The following SYT17 variants were observed in gnomAD, a reference collection of about 807,000 sequenced individuals.
The protein encoded by SYT17 is synaptotagmin-17.
Under a neutral mutation model 46.7 loss-of-function variants are expected in SYT17, and 22 were observed. The observed-to-expected ratio is 0.47, with a 90% CI of 0.34 to 0.67. SYT17 has a LOEUF of 0.67. Ranked by LOEUF, SYT17 falls within the 30% of genes least tolerant of loss-of-function variation. The pLI is 0.01. For missense variants in SYT17, 519 were observed against 612.8 expected (o/e 0.85, Z 1.62); for synonymous variants, 251 against 248.4 (o/e 1.01, Z -0.10).
chr16:19,193,710 G>A lies in SYT17; in HGVS notation c.951+9563G>A, dbSNP rs147207657. Among the ~76,000 whole-genome samples, 42 of 152,338 alleles carry A rather than the reference G, an allele frequency of 2.8e-4. No homozygotes were observed. The East Asian group carries it at 7.9e-3, about 29-fold the overall frequency. On this transcript the variant is annotated intron_variant, in intron 5 of 7. Transcript: ENST00000355377. ...GAAGGGAGGAAATGAGACCAATAAA[G>A]TGTCTCACCACTGTGGGCAACTAGA...
At chr16:19,216,787 G>A (rs1317891575) in intron 5 of SYT17, among the ~76,000 whole-genome samples, 2 of 152,106 alleles carry the variant, frequency 1.3e-5, no homozygotes, top group Non-Finnish European at 2.9e-5. Flanking sequence ...ATCATTGTTG[G>A]ACATTGGGGT....
At chr16:19,191,395 C>T (rs1238576155) in intron 5 of SYT17, among the ~76,000 whole-genome samples, 2 of 152,276 alleles carry the variant, frequency 1.3e-5, no homozygotes, top group Middle Eastern at 3.4e-3. Flanking sequence ...CAGAGAGTTG[C>T]CTTGCCCCTT....
At chr16:19,173,343 T>G in intron 2 of SYT17, 87 bp from the exon 3 acceptor site, 1 of 832,094 alleles carries the variant, frequency 1.2e-6, no homozygotes, top group African/African-American at 1.7e-5. Flanking sequence ...CTTGTAATTT[T>G]GGGTGTTGTT....
At chr16:19,251,051 T>C (rs1968024807) in intron 7 of SYT17, among the ~76,000 whole-genome samples, 1 of 152,222 alleles carries the variant, frequency 6.6e-6, no homozygotes, top group African/African-American at 2.4e-5. Flanking sequence ...ATTTTGAGGA[T>C]AATAGTGTTT....
chr16:19,260,697 G>C (rs12921715), intron 7 of SYT17, among the ~76,000 whole-genome samples: 5 of 152,020 alleles, frequency 3.3e-5, no homozygotes, highest in African/African-American at 1.2e-4. Flanking sequence ...AGGGGGCTTA[G>C]AATTGTATTT....
chr16:19,201,671 TAAA>T (rs559424751), intron 5 of SYT17, among the ~76,000 whole-genome samples: 318 of 126,088 alleles, frequency 2.5e-3, no homozygotes, highest in African/African-American at 3.1e-3. Flanking sequence ...TGCCCCTGCT[TAAA>T]AAAAAAAAAA....
intron 7 of SYT17, among the ~76,000 whole-genome samples, chr16:19,258,294 G>T (rs1968720465): frequency 6.6e-6 from 1 of 152,096 alleles, no homozygotes; most frequent in South Asian, 2.1e-4. Context: ...GGTGGCAATT[G>T]TGTCCCCAGG....
chr16:19,249,898 C>A (rs375983055), intron 7 of SYT17: 188 of 1,531,876 alleles, frequency 1.2e-4, no homozygotes, highest in Non-Finnish European at 1.5e-4. Flanking sequence ...CTTGCTCACT[C>A]CCTTGTCCCC....
intron 1 of SYT17, chr16:19,170,090 G>T (rs191460825): frequency 4.5e-4 from 69 of 152,226 alleles, no homozygotes; most frequent in African/African-American, 1.7e-3. Flanking sequence ...CTAGAACAAG[G>T]TGTTAAACTT....
intron 5 of SYT17, among the ~76,000 whole-genome samples, chr16:19,217,949 G>C (rs963341816): frequency 3.3e-5 from 5 of 152,092 alleles, no homozygotes; most frequent in African/African-American, 1.2e-4. Flanking sequence ...TTGATGTCTG[G>C]GATTGCTGCT....
intron 3 of SYT17, among the ~76,000 whole-genome samples, chr16:19,179,861 C>T (rs1327340236): frequency 6.6e-6 from 1 of 152,216 alleles, no homozygotes; most frequent in East Asian, 1.9e-4. Flanking sequence ...CATCAAACTT[C>T]TGTTCAGAAA....
intron 5 of SYT17, among the ~76,000 whole-genome samples, chr16:19,192,580 A>C (rs189279890): frequency 6.6e-6 from 1 of 152,160 alleles, no homozygotes; most frequent in African/African-American, 2.4e-5. Context: ...GAGAGAGAGA[A>C]CATTCATAAG....
chr16:19,181,007 T>A (rs1302447132), intron 4 of SYT17, among the ~76,000 whole-genome samples: 1 of 151,968 alleles, frequency 6.6e-6, no homozygotes, highest in Non-Finnish European at 1.5e-5. Flanking sequence ...TAGGGCAGGG[T>A]GGGGACTTCG....
intron 7 of SYT17, among the ~76,000 whole-genome samples, chr16:19,253,913 G>C (rs1006909347): frequency 6.6e-6 from 1 of 152,084 alleles, no homozygotes; most frequent in African/African-American, 2.4e-5. Flanking sequence ...ATTTTTAGTA[G>C]AGATGGGGTT....
chr16:19,172,726 G>T (rs758953767), intron 1 of SYT17, 34 bp from the exon 2 acceptor site: 1 of 1,610,174 alleles, frequency 6.2e-7, no homozygotes, highest in Admixed American at 1.7e-5. Context: ...GTTCCCTTAC[G>T]CCCTTGGCTT....
At chr16:19,248,972 A>C (rs1164048133) in intron 7 of SYT17, among the ~76,000 whole-genome samples, 3 of 152,034 alleles carry the variant, frequency 2.0e-5, no homozygotes, top group Non-Finnish European at 4.4e-5. Context: ...ATTTCTACTA[A>C]AGGCAAAACT....
chr16:19,245,390 G>T (rs60722981), intron 7 of SYT17, among the ~76,000 whole-genome samples: 6,461 of 152,200 alleles, frequency 0.042, 494 homozygotes, highest in African/African-American at 0.15. Flanking sequence ...GTGCCAAAGT[G>T]AAGAAACCCT....
chr16:19,195,401 T>G (rs1426660748), intron 5 of SYT17, among the ~76,000 whole-genome samples: 1 of 86,164 alleles, frequency 1.2e-5, no homozygotes, highest in African/African-American at 6.4e-5. Context: ...AAAACAAACC[T>G]TTTTTTTTTT....
At chr16:19,190,476 C>T (rs1484507695) in intron 5 of SYT17, among the ~76,000 whole-genome samples, 2 of 152,160 alleles carry the variant, frequency 1.3e-5, no homozygotes, top group Non-Finnish European at 2.9e-5. Flanking sequence ...GCATTAAGTA[C>T]ATTCACATTG....
Sources: allele counts gnomAD v4.1 joint callset (sites outside exome capture counted in the v4.1 genomes callset), GRCh38; gene constraint gnomAD v4.1.1; transcripts MANE v1.5; gene names NCBI Gene and HGNC (gene_info 2026-07-23, HGNC 2026-07-21).